CCDC138: variants seen among roughly 807,000 people sequenced by gnomAD.
The protein encoded by CCDC138 is coiled-coil domain containing 138.
Under a neutral mutation model 82.3 loss-of-function variants are expected in CCDC138, and 66 were observed. The observed-to-expected ratio is 0.80, with a 90% CI of 0.66 to 0.98. The LOEUF is 0.98. CCDC138 is among the 50% of genes least tolerant of loss of function. The pLI is 0.00. For synonymous variants in CCDC138, 297 were observed against 265.4 expected (o/e 1.12, Z -1.16); for missense variants, 816 against 758.9 (o/e 1.08, Z -0.88).
chr2:108,877,803 T>C (rs1696128817), downstream of CCDC138, among the ~76,000 whole-genome samples: 1 of 152,194 alleles, frequency 6.6e-6, no homozygotes, highest in Admixed American at 6.5e-5. Flanking sequence ...CAGAAAAACC[T>C]ATGAGAAAAG....
intron 11 of CCDC138, among the ~76,000 whole-genome samples, chr2:108,842,939 T>C (rs1689760074): frequency 6.6e-6 from 1 of 152,210 alleles, no homozygotes; most frequent in Non-Finnish European, 1.5e-5. Context: ...CCTTAACCTT[T>C]TCTGTATACG....
intron 4 of CCDC138, among the ~76,000 whole-genome samples, chr2:108,794,191 G>A (rs530302446): frequency 7.9e-5 from 12 of 152,306 alleles, no homozygotes; most frequent in African/African-American, 2.6e-4. Context: ...ACTTGCATTA[G>A]TGGTAAATTT....
intron 4 of CCDC138, 42 bp downstream of exon 4, chr2:108,791,844 T>C: frequency 6.6e-7 from 1 of 1,521,214 alleles, no homozygotes; most frequent in Non-Finnish European, 8.9e-7. Flanking sequence ...GTAGTAACTT[T>C]GTCAAGTAGA....
chr2:108,834,352 G>A (rs1333145995), intron 10 of CCDC138, among the ~76,000 whole-genome samples: 2 of 151,656 alleles, frequency 1.3e-5, no homozygotes, highest in South Asian at 2.1e-4. Flanking sequence ...AGCTGGGATT[G>A]CAGGTGCCCA....
chr2:108,809,164 C>A (rs143916102), intron 7 of CCDC138, among the ~76,000 whole-genome samples: 4 of 152,050 alleles, frequency 2.6e-5, no homozygotes, highest in Non-Finnish European at 5.9e-5. Context: ...TATGCTGTTC[C>A]ATTAGTCTAT....
intron 3 of CCDC138, 78 bp from the exon 4 acceptor site, chr2:108,791,597 T>C (rs755280774): frequency 6.8e-7 from 1 of 1,478,724 alleles, no homozygotes; most frequent in Non-Finnish European, 9.4e-7. Flanking sequence ...ATGCTGTTAA[T>C]ATTTGAAAAG....
downstream of CCDC138, among the ~76,000 whole-genome samples, chr2:108,881,441 A>G (rs1214525769): frequency 6.6e-6 from 1 of 152,240 alleles, no homozygotes; most frequent in Non-Finnish European, 1.5e-5. Context: ...TATCAGCAAT[A>G]AGGCTGCTGT....
intron 2 of CCDC138, among the ~76,000 whole-genome samples, chr2:108,788,326 A>G (rs1679272756): frequency 6.6e-6 from 1 of 152,082 alleles, no homozygotes; most frequent in African/African-American, 2.4e-5. Flanking sequence ...AGGCTGAGGC[A>G]GGAGAATCGG....
chr2:108,827,038 G>A (rs1686732476), intron 10 of CCDC138, among the ~76,000 whole-genome samples: 1 of 151,920 alleles, frequency 6.6e-6, no homozygotes, highest in Non-Finnish European at 1.5e-5. Context: ...TTCATTTTTG[G>A]ATTGTACATT....
chr2:108,815,755 TGCGCCAGGCAGGTTG>T lies in CCDC138; in HGVS notation c.1042-184_1042-170del, dbSNP rs1472294812. On this transcript the variant is annotated intron_variant, in intron 9 of 14. Coordinates refer to ENST00000295124, the MANE Select transcript of CCDC138 (RefSeq NM_144978.3). ...TGGTGGGATTACAGGCTTGAGCCAC[TGCGCCAGGCAGGTTG>T]GGGAGGTTTGATTTGGAATTCTTTT... The T allele has an allele frequency of 5.6e-5, 10 of 177,316 alleles. No homozygotes were observed. The Admixed American group carries it at 6.5e-4, about 12-fold the overall frequency. 11.0% of individuals were successfully genotyped at this position (177,316 alleles called of 1,614,324 possible).
chr2:108,815,049 C>T (rs1684524282), intron 9 of CCDC138, among the ~76,000 whole-genome samples: 1 of 152,038 alleles, frequency 6.6e-6, no homozygotes, highest in African/African-American at 2.4e-5. Flanking sequence ...TGTAATAATA[C>T]TTAGTCTAAT....
chr2:108,863,549 C>T (rs1398226489), intron 13 of CCDC138, among the ~76,000 whole-genome samples: 1 of 152,128 alleles, frequency 6.6e-6, no homozygotes, highest in East Asian at 1.9e-4. Context: ...ATCATCAAGA[C>T]TTGGGGTTTT....
rs145903783 is a variant in CCDC138, at chr2:108,786,835, G to C, written c.13G>C (p.Val5Leu). 1.3e-4 allele frequency: 211 copies of C among 1,592,120 alleles called. No homozygotes were observed. Among genetic ancestry groups the C allele is most frequent in the Non-Finnish European group, 1.7e-4 (202 of 1,170,884 alleles). MEPR[V>L]VKPPGQDLVV... Reference sequence around the variant, plus strand: ...GTTGCTGTGTGCTATGGAGCCGAGGGTCGTCAAGCCACCGGGGCAGGATTT... The same window carrying C: ...GTTGCTGTGTGCTATGGAGCCGAGGCTCGTCAAGCCACCGGGGCAGGATTT... The change falls in exon 1 of 15, where the codon GTC becomes CTC. Residue 5 changes from valine to leucine, a missense_variant. Val to Leu is a conservative substitution (Grantham distance 32). Transcript: ENST00000295124.
At chr2:108,820,497 A>C (rs982325861) in intron 10 of CCDC138, among the ~76,000 whole-genome samples, 1 of 152,000 alleles carries the variant, frequency 6.6e-6, no homozygotes, top group African/African-American at 2.4e-5. Context: ...AACTCAAGGA[A>C]CTCCAGAGAG....
chr2:108,862,651 A>G (rs1439970644), intron 13 of CCDC138, among the ~76,000 whole-genome samples: 1 of 152,240 alleles, frequency 6.6e-6, no homozygotes, highest in Non-Finnish European at 1.5e-5. Context: ...ATATTGAAAT[A>G]TATTGTACAT....
At chr2:108,864,470 C>G (rs1694095303) in intron 13 of CCDC138, among the ~76,000 whole-genome samples, 1 of 151,990 alleles carries the variant, frequency 6.6e-6, no homozygotes, top group Non-Finnish European at 1.5e-5. Context: ...TGAGACCAGC[C>G]TGGGCAACAT....
In CCDC138 at chr2:108,872,198, G is replaced by T. The variant is rs192219421; in HGVS notation, c.1694-1253G>T. 2.6e-5 allele frequency among the ~76,000 whole-genome samples: 4 copies of T among 152,272 alleles called. No homozygotes were observed. In the East Asian group the frequency reaches 7.7e-4, roughly 29 times the overall value. On this transcript the variant is annotated intron_variant, in intron 13 of 14. Coordinates refer to ENST00000295124, the MANE Select transcript of CCDC138 (RefSeq NM_144978.3). ...GTTGCCTCGGAGAATTCAGAGAAGA[G>T]TCTGATCATTTTCTCTTCTTCCCTC...
chr2:108,821,623 C>CA (rs535782753), intron 10 of CCDC138, among the ~76,000 whole-genome samples: 403 of 152,074 alleles, frequency 2.7e-3, no homozygotes, highest in African/African-American at 9.0e-3. Flanking sequence ...ACAAAACATA[C>CA]AGAAAAAAAT....
intron 9 of CCDC138, among the ~76,000 whole-genome samples, chr2:108,814,905 G>A (rs1325307254): frequency 6.6e-6 from 1 of 151,374 alleles, no homozygotes; most frequent in African/African-American, 2.4e-5. Flanking sequence ...CAAAGTGCTG[G>A]GATTATAGGC....
Sources: gnomAD v4.1 joint callset for allele counts (sites outside exome capture counted in the v4.1 genomes callset) on GRCh38, gnomAD v4.1.1 for gene constraint, MANE v1.5 for transcripts, NCBI Gene and HGNC (gene_info 2026-07-23, HGNC 2026-07-21) for gene names.